The following IL1RAPL2 variants were observed in gnomAD, a reference collection of about 807,000 sequenced individuals.
The protein encoded by IL1RAPL2 is X-linked interleukin-1 receptor accessory protein-like 2.
A neutral mutation model predicts 44.1 loss-of-function variants in IL1RAPL2; 3 were observed. The observed-to-expected ratio is 0.07, with a 90% confidence interval of 0.03 to 0.18. IL1RAPL2 has a LOEUF of 0.18. Among genes scored for constraint, IL1RAPL2 ranks in the 10% least tolerant of loss-of-function variants. The probability of loss-of-function intolerance (pLI) is 1.00; values close to 1 mark genes in which losing one functional copy is unlikely to be tolerated. For missense variants in IL1RAPL2, 391 were observed against 496.4 expected (o/e 0.79, Z 2.02); for synonymous variants, 181 against 178.8 (o/e 1.01, Z -0.10).
chrX:105,658,904 G>T (rs1341326259), intron 6 of IL1RAPL2, among the ~76,000 whole-genome samples: 2 of 105,004 alleles, frequency 1.9e-5, no homozygotes, highest in Non-Finnish European at 3.9e-5. Context: ...GGAGGTTGCA[G>T]TGAGCCAAGG....
At position 105,143,710 on chromosome X, in the gene IL1RAPL2, C is replaced by T. The variant is rs577088568; in HGVS notation, c.83-51765C>T. On this transcript the variant is annotated intron_variant, in intron 2 of 10. Coordinates refer to ENST00000372582, the MANE Select transcript of IL1RAPL2 (RefSeq NM_017416.2). ...TGAAAGATGCTTCCAGCATATGGGC[C>T]TTCTCTATTTTCTCACAGAGACACT... Among the ~76,000 whole-genome samples the T allele has an allele frequency of 3.8e-4, 42 of 111,822 alleles. No individual in the cohort carries two copies. In the South Asian group the frequency reaches 4.9e-3, roughly 13 times the overall value.
intron 2 of IL1RAPL2, among the ~76,000 whole-genome samples, chrX:105,024,744 T>C (rs1335415996): frequency 9.0e-6 from 1 of 111,409 alleles, no homozygotes; most frequent in Non-Finnish European, 1.9e-5. Context: ...TTCTGGGAGA[T>C]GTGTTGGGCA....
At chrX:105,236,316 A>G (rs1226693747) in intron 4 of IL1RAPL2, among the ~76,000 whole-genome samples, 1 of 112,304 alleles carries the variant, frequency 8.9e-6, no homozygotes, top group Non-Finnish European at 1.9e-5. Flanking sequence ...TGGACCAACA[A>G]TGGTGAAGCA....
At chrX:105,309,603 ACG>A (rs1370534832) in intron 5 of IL1RAPL2, among the ~76,000 whole-genome samples, 3 of 108,590 alleles carry the variant, frequency 2.8e-5, no homozygotes, top group Non-Finnish European at 5.7e-5. Context: ...GTGGTGGCAC[ACG>A]CCTGTAATCC....
intron 5 of IL1RAPL2, among the ~76,000 whole-genome samples, chrX:105,380,349 G>A: frequency 9.0e-6 from 1 of 111,579 alleles, no homozygotes; most frequent in Non-Finnish European, 1.9e-5. Context: ...CAAGGGAAAA[G>A]GGGGTTTAAG....
At chrX:104,837,278 G>A (rs1396920058) in intron 2 of IL1RAPL2, among the ~76,000 whole-genome samples, 1 of 111,242 alleles carries the variant, frequency 9.0e-6, no homozygotes, top group African/African-American at 3.3e-5. Context: ...GGTATTTCTG[G>A]TTCTAGATCC....
chrX:105,137,844 T>C lies in IL1RAPL2; in HGVS notation c.83-57631T>C, dbSNP rs779604464. 2.2e-4 allele frequency among the ~76,000 whole-genome samples: 25 copies of C among 111,899 alleles called. No individual in the cohort carries two copies. In the Admixed American group the frequency reaches 2.4e-3, roughly 11 times the overall value. On this transcript the variant is annotated intron_variant, in intron 2 of 10. Transcript: ENST00000372582. ...AACTTGGGAGGCCAACATGGGAGGATTGCTTGAGCCCAGGAGTTCTAGACC... is the reference window on the plus strand; with the variant it reads ...AACTTGGGAGGCCAACATGGGAGGACTGCTTGAGCCCAGGAGTTCTAGACC...
intron 2 of IL1RAPL2, among the ~76,000 whole-genome samples, chrX:104,715,059 C>T (rs760434351): frequency 4.5e-5 from 5 of 110,443 alleles, no homozygotes; most frequent in Non-Finnish European, 9.5e-5. Flanking sequence ...AGAATGGTAC[C>T]AGCTCTTCTT....
At chrX:105,401,701 A>T (rs2035607520) in intron 5 of IL1RAPL2, among the ~76,000 whole-genome samples, 1 of 110,906 alleles carries the variant, frequency 9.0e-6, no homozygotes, top group African/African-American at 3.3e-5. Flanking sequence ...GTGATTGATT[A>T]TTAGCTTTTT....
chrX:105,597,750 G>T (rs1252189812), intron 6 of IL1RAPL2, among the ~76,000 whole-genome samples: 1 of 111,558 alleles, frequency 9.0e-6, no homozygotes, highest in Non-Finnish European at 1.9e-5. Flanking sequence ...ATGTGATTTG[G>T]GTGAGGACAC....
chrX:104,905,962 T>C (rs1166147307), intron 2 of IL1RAPL2, among the ~76,000 whole-genome samples: 3 of 110,059 alleles, frequency 2.7e-5, no homozygotes, highest in Non-Finnish European at 5.7e-5. Flanking sequence ...CATTTGTTTG[T>C]ATCCTCTTTT....
intron 4 of IL1RAPL2, among the ~76,000 whole-genome samples, chrX:105,252,755 G>A (rs928319857): frequency 2.7e-5 from 3 of 111,262 alleles, no homozygotes; most frequent in African/African-American, 9.8e-5. Flanking sequence ...TGTTTGCAGG[G>A]CCTAACATTG....
chrX:105,381,326 T>C (rs1019274725), intron 5 of IL1RAPL2, among the ~76,000 whole-genome samples: 1 of 111,909 alleles, frequency 8.9e-6, no homozygotes, highest in African/African-American at 3.2e-5. Flanking sequence ...TGCTACTTCA[T>C]CAGACAGCTT....
chrX:105,732,047 T>C (rs1028319348), intron 7 of IL1RAPL2, among the ~76,000 whole-genome samples: 1 of 111,582 alleles, frequency 9.0e-6, no homozygotes, highest in African/African-American at 3.2e-5. Flanking sequence ...TGTAACAAAA[T>C]ATTAAATGTA....
At chrX:104,692,247 G>C (rs1311414977) in intron 2 of IL1RAPL2, among the ~76,000 whole-genome samples, 1 of 110,439 alleles carries the variant, frequency 9.1e-6, no homozygotes, top group Non-Finnish European at 1.9e-5. Flanking sequence ...GTCCATATCT[G>C]GATATATGCA....
chrX:105,240,647 A>G (rs1556207227), intron 4 of IL1RAPL2, among the ~76,000 whole-genome samples: 2 of 111,927 alleles, frequency 1.8e-5, no homozygotes. Context: ...TTAACTAGCA[A>G]TGACTTCAAG....
intron 5 of IL1RAPL2, among the ~76,000 whole-genome samples, chrX:105,467,640 T>C (rs993635646): frequency 9.0e-6 from 1 of 111,536 alleles, no homozygotes; most frequent in African/African-American, 3.3e-5. Context: ...TTTACTTTCT[T>C]ACTGCTCCTC....
At chrX:105,004,467 A>G (rs1428999112) in intron 2 of IL1RAPL2, among the ~76,000 whole-genome samples, 9 of 110,333 alleles carry the variant, frequency 8.2e-5, no homozygotes, top group Non-Finnish European at 1.9e-5. Flanking sequence ...TGCAATATAC[A>G]GGAAACATGC....
intron 2 of IL1RAPL2, among the ~76,000 whole-genome samples, chrX:105,189,744 G>A (rs1224631947): frequency 9.0e-6 from 1 of 111,385 alleles, no homozygotes; most frequent in Non-Finnish European, 1.9e-5. Context: ...TTACCTTACG[G>A]CTATTCTTCC....
Sources: allele counts gnomAD v4.1 joint callset (sites outside exome capture counted in the v4.1 genomes callset), GRCh38; gene constraint gnomAD v4.1.1; transcripts MANE v1.5; gene names NCBI Gene and HGNC (gene_info 2026-07-23, HGNC 2026-07-21).